CDK18: variants seen among roughly 807,000 people sequenced by gnomAD.
CDK18 encodes the protein cyclin-dependent kinase 18.
In CDK18, 52 loss-of-function variants were observed where a neutral mutation model predicts 62.0. The ratio of observed to expected loss-of-function variants is 0.84; its 90% CI spans 0.67 to 1.06. The LOEUF (loss-of-function observed/expected upper bound fraction) is 1.06, where lower values mean the gene tolerates loss of function less well. Among genes scored for constraint, CDK18 ranks in the 50% least tolerant of loss-of-function variants. CDK18 has a pLI of 0.00. For missense variants in CDK18, 604 were observed against 619.9 expected, an observed-to-expected ratio of 0.97 and a Z score of 0.27; for synonymous variants, 237 against 247.0, an observed-to-expected ratio of 0.96 and a Z score of 0.38.
Position 205,530,620 on chromosome 1 carries a change from T to G in CDK18, c.1313-8T>G, listed in dbSNP as rs200169046. 7.4e-6 allele frequency: 12 copies of G among 1,613,608 alleles called. No individual in the cohort carries two copies. The Admixed American group carries it at 1.3e-4, about 18-fold the overall frequency. ...GCCCTCTCCAGACTATGCACTTCTCTCCCCCAGCTGCCTCCATCTTCTCCC... is the reference window on the plus strand; with the variant it reads ...GCCCTCTCCAGACTATGCACTTCTCGCCCCCAGCTGCCTCCATCTTCTCCC... On this transcript the variant is annotated splice_region_variant and splice_polypyrimidine_tract_variant and intron_variant, in intron 14 of 15. Transcript: ENST00000429964.
chr1:205,525,916 T>C (rs1668399836), intron 5 of CDK18, 149 bp from the exon 6 acceptor site: 1 of 614,026 alleles, frequency 1.6e-6, no homozygotes, highest in Non-Finnish European at 2.9e-6. Flanking sequence ...CTGGAGGAAG[T>C]AGGCTTTGGA....
At position 205,526,462 on chromosome 1, in the gene CDK18, G is replaced by A; in HGVS notation, c.666+1G>A. ...CCTCACCCTGGTGTTTGAGTACCTG[G>A]TGAGAGTCCGGCTGGGGCTGGCCGC... On this transcript the variant is annotated splice_donor_variant, in intron 7 of 15. Transcript: ENST00000429964. LOFTEE classifies it high-confidence loss of function. 2 of 1,611,098 alleles carry A rather than the reference G, an allele frequency of 1.2e-6. No individual in the cohort carries two copies. The highest frequency in any genetic ancestry group is 1.7e-6 in the Non-Finnish European group (2 of 1,177,392).
chr1:205,530,095 G>A (rs1450716465), intron 13 of CDK18, 164 bp from the exon 14 acceptor site: 2 of 1,443,410 alleles, frequency 1.4e-6, no homozygotes, highest in Non-Finnish European at 1.8e-6. Flanking sequence ...TCTTGAGATG[G>A]CCTGAGGTTG....
chr1:205,530,367 G>C lies in CDK18; in HGVS notation c.1312+18G>C, dbSNP rs12035825. The stretch of plus-strand genomic sequence containing the variant: ...TGAAGACAGTGAGTACTGGGGGTCC[G>C]GGAGCAGGGCCACCCAGAACCAAGG... On this transcript the variant is annotated intron_variant, in intron 14 of 15. Coordinates refer to ENST00000429964, the MANE Select transcript of CDK18 (RefSeq NM_212502.3). 1 of 1,607,796 alleles carries C rather than the reference G, an allele frequency of 6.2e-7. No individual in the cohort carries two copies. Among genetic ancestry groups the C allele is most frequent in the South Asian group, 1.1e-5 (1 of 91,024 alleles).
intron 6 of CDK18, 37 bp from the exon 7 acceptor site, chr1:205,526,330 G>A (rs1450857252): frequency 6.4e-7 from 1 of 1,558,592 alleles, no homozygotes; most frequent in Admixed American, 1.7e-5. Context: ...GGGACACATG[G>A]GGTCCTAGGG....
intron 1 of CDK18, among the ~76,000 whole-genome samples, chr1:205,513,258 G>A (rs1667654381): frequency 6.6e-6 from 1 of 152,208 alleles, no homozygotes; most frequent in African/African-American, 2.4e-5. Context: ...CCTCTGGCTG[G>A]GAGAGTAAGG....
chr1:205,529,321 C>T lies in CDK18; in HGVS notation c.1073-3C>T. On this transcript the variant is annotated splice_polypyrimidine_tract_variant and splice_region_variant and intron_variant, in intron 11 of 15. Coordinates refer to ENST00000429964, the MANE Select transcript of CDK18 (RefSeq NM_212502.3). Reference sequence around the variant, plus strand: ...CCCTCCCCACCCTCTCTCGTCTCCCCAGGGACCCCCACAGAAGAGACGTGG... The same window carrying T: ...CCCTCCCCACCCTCTCTCGTCTCCCTAGGGACCCCCACAGAAGAGACGTGG... 1 of 1,612,622 alleles carries T rather than the reference C, an allele frequency of 6.2e-7. No homozygotes were observed. The highest frequency in any genetic ancestry group is 8.5e-7 in the Non-Finnish European group (1 of 1,179,050).
Position 205,526,473 on chromosome 1 carries a change from G to A in CDK18, c.666+12G>A. On this transcript the variant is annotated intron_variant, in intron 7 of 15. Coordinates refer to ENST00000429964, the MANE Select transcript of CDK18 (RefSeq NM_212502.3). ...TGTTTGAGTACCTGGTGAGAGTCCGGCTGGGGCTGGCCGCCTCTCCCTCTT... is the reference window on the plus strand; with the variant it reads ...TGTTTGAGTACCTGGTGAGAGTCCGACTGGGGCTGGCCGCCTCTCCCTCTT... 1.3e-6 allele frequency: 2 copies of A among 1,598,930 alleles called. No individual in the cohort carries two copies. The highest frequency in any genetic ancestry group is 1.7e-6 in the Non-Finnish European group (2 of 1,166,658).
At chr1:205,511,627 C>T (rs1026957533) in intron 1 of CDK18, among the ~76,000 whole-genome samples, 13 of 152,326 alleles carry the variant, frequency 8.5e-5, no homozygotes, top group African/African-American at 3.1e-4. Context: ...ATAACTACTG[C>T]TGGTGTTTTG....
Position 205,508,405 on chromosome 1 carries a change from G to A in CDK18, c.-22+3609G>A, listed in dbSNP as rs151239274. Among the ~76,000 whole-genome samples, 24 of 152,334 alleles carry A rather than the reference G, an allele frequency of 1.6e-4. No individual in the cohort carries two copies. The East Asian group carries it at 4.2e-3, about 27-fold the overall frequency. The stretch of plus-strand genomic sequence containing the variant: ...GCTCAGGCCAAGGGTCTGGGATCCA[G>A]GATCACTACAGAGCTGGTAGCTGGG... On this transcript the variant is annotated intron_variant, in intron 1 of 15. Transcript: ENST00000429964.
At chr1:205,529,719 C>G (rs1205791149) in intron 13 of CDK18, 156 bp downstream of exon 13, 3 of 1,539,930 alleles carry the variant, frequency 1.9e-6, no homozygotes, top group Admixed American at 3.9e-5. Context: ...CAAGGGGTGG[C>G]CTCCATACAC....
In CDK18 at chr1:205,527,224, T is replaced by C; in HGVS notation, c.729+387T>C. On this transcript the variant is annotated intron_variant, in intron 8 of 15. Coordinates refer to ENST00000429964, the MANE Select transcript of CDK18 (RefSeq NM_212502.3). The surrounding 1 kb of genome is among the most constrained non-coding windows in gnomAD (Gnocchi z 4.1). ...GGCTGGGCATGGTGGCCCACGCCTG[T>C]AATCCCAGCACTGGGAGGCCAAGGC... 1 of 242,400 alleles carries C rather than the reference T, an allele frequency of 4.1e-6. No homozygotes were observed. 15.0% of individuals were successfully genotyped at this position (242,400 alleles called of 1,614,324 possible).
In CDK18 at chr1:205,527,008, C is replaced by T. The variant is rs74141244; in HGVS notation, c.729+171C>T. Reference sequence around the variant, plus strand: ...CAACGAGTCCAGGAACTGGGTTGAGCGCTTTACCCCAAGAACAGACACACA... The same window carrying T: ...CAACGAGTCCAGGAACTGGGTTGAGTGCTTTACCCCAAGAACAGACACACA... On this transcript the variant is annotated intron_variant, in intron 8 of 15. Transcript: ENST00000429964. This position sits in a 1 kb window ranked among gnomAD's most constrained non-coding sequence, Gnocchi z 4.1. The T allele has an allele frequency of 0.016, 10,005 of 615,414 alleles. 714 individuals carry two copies. Among genetic ancestry groups the T allele is most frequent in the African/African-American group, 0.16 (8,678 of 54,494 alleles). 38.1% of individuals were successfully genotyped at this position (615,414 alleles called of 1,614,324 possible).
chr1:205,530,264 A>C lies in CDK18; in HGVS notation c.1227A>C (p.Glu409Asp), dbSNP rs757975256. ...CCCCACCCTGTGCCTTTCAGTATGA[A>C]TCCAAGAGTCGCATGTCAGCAGAGG... Reference protein sequence around the residue: ...IHLLSSLLLYESKSRMSAEAA... With the variant: ...IHLLSSLLLYDSKSRMSAEAA... Residue 409 changes from glutamate to aspartate, a missense_variant, in exon 14 of 16, where the codon GAA becomes GAC. Physicochemically the swap from Glu to Asp is conservative, Grantham distance 45. Transcript: ENST00000429964. The C allele has an allele frequency of 2.5e-6, 4 of 1,612,432 alleles. No individual in the cohort carries two copies. The African/African-American group carries it at 4.0e-5, about 16-fold the overall frequency.
Sources: allele counts gnomAD v4.1 joint callset (sites outside exome capture counted in the v4.1 genomes callset), GRCh38; gene constraint gnomAD v4.1.1; non-coding constraint Gnocchi (gnomAD v3.1); transcripts MANE v1.5; gene names NCBI Gene and HGNC (gene_info 2026-07-23, HGNC 2026-07-21).